The following APBB2 variants were observed in gnomAD, a reference collection of about 807,000 sequenced individuals.
APBB2 encodes amyloid beta precursor protein binding family B member 2, also known as Fe65-like 1.
A neutral mutation model predicts 82.5 loss-of-function variants in APBB2; 38 were observed. The ratio of observed to expected loss-of-function variants is 0.46; its 90% confidence interval spans 0.36 to 0.60. The LOEUF (loss-of-function observed/expected upper bound fraction) is 0.60. Among genes scored for constraint, APBB2 ranks in the 20% least tolerant of loss-of-function variants. The pLI is 0.00. For synonymous variants in APBB2, 341 were observed against 368.2 expected, an observed-to-expected ratio of 0.93 and a Z score of 0.85; for missense variants, 772 against 972.3, an observed-to-expected ratio of 0.79 and a Z score of 2.74.
At chr4:40,865,854 A>T (rs778465469) in intron 12 of APBB2, among the ~76,000 whole-genome samples, 12 of 152,378 alleles carry the variant, frequency 7.9e-5, no homozygotes, top group Non-Finnish European at 1.6e-4. Flanking sequence ...TTGTTTGGAA[A>T]ATGCCGATTA....
At chr4:41,165,871 CCTTT>C (rs1475611387) in intron 1 of APBB2, among the ~76,000 whole-genome samples, 6 of 148,586 alleles carry the variant, frequency 4.0e-5, no homozygotes, top group Admixed American at 6.6e-5. Context: ...TGTCAGGCCC[CCTTT>C]TTTTTTTTTT....
chr4:41,211,108 A>C (rs1026808261), intron 1 of APBB2, among the ~76,000 whole-genome samples: 1 of 152,062 alleles, frequency 6.6e-6, no homozygotes, highest in Non-Finnish European at 1.5e-5. Flanking sequence ...TACAAAAATT[A>C]GCCAGGCGTG....
chr4:40,958,174 T>C (rs947543285), intron 6 of APBB2, among the ~76,000 whole-genome samples: 1 of 152,210 alleles, frequency 6.6e-6, no homozygotes, highest in African/African-American at 2.4e-5. Flanking sequence ...ATTTTAGATG[T>C]AGTAAAATAT....
chr4:41,092,724 GT>G lies in APBB2; in HGVS notation c.-149+7914del, dbSNP rs567530121. Among the ~76,000 whole-genome samples, 279 of 151,368 alleles carry G rather than the reference GT, an allele frequency of 1.8e-3. 3 individuals are homozygous for G. Among genetic ancestry groups the G allele is most frequent in the Admixed American group, 0.017 (263 of 15,202 alleles). Reference sequence around the variant, plus strand: ...AAAAAAAGTACTTGGTCTGAATAGAGTTTTCATTCAACTGTGCTTGCTCTTA... The same window carrying G: ...AAAAAAAGTACTTGGTCTGAATAGAGTTTCATTCAACTGTGCTTGCTCTTA... On this transcript the variant is annotated intron_variant, in intron 3 of 17. Coordinates refer to ENST00000508593, the MANE Select transcript of APBB2 (RefSeq NM_004307.2).
chr4:41,036,442 T>C (rs776304468), intron 4 of APBB2, among the ~76,000 whole-genome samples: 11 of 152,144 alleles, frequency 7.2e-5, no homozygotes, highest in Non-Finnish European at 1.5e-4. Flanking sequence ...CCTGAGTTAT[T>C]ATCTGACCCA....
chr4:40,888,206 G>A (rs1424395574), intron 12 of APBB2, among the ~76,000 whole-genome samples: 2 of 152,224 alleles, frequency 1.3e-5, no homozygotes, highest in African/African-American at 2.4e-5. Flanking sequence ...GCACATATAC[G>A]TATGTGTTGT....
rs200541512 is a variant in APBB2 at position 41,013,829 on chromosome 4, C to G, written c.589G>C (p.Ala197Pro). Residue 197 changes from alanine to proline, a missense_variant, in exon 6 of 18, where the codon GCC (alanine) becomes CCC (proline). Transcript: ENST00000508593. ...EEKSQPVQGQASTIIGNGDLL... is the reference protein window; with the variant it reads ...EEKSQPVQGQPSTIIGNGDLL... ...TCGCCATTCCCAATGATGGTGGAGG[C>G]CTGGCCCTGGACTGGCTGGGATTTC... 2 of 1,614,164 alleles carry G rather than the reference C, an allele frequency of 1.2e-6. No homozygotes were observed. Among genetic ancestry groups the G allele is most frequent in the Admixed American group, 1.7e-5 (1 of 60,022 alleles).
intron 12 of APBB2, among the ~76,000 whole-genome samples, chr4:40,841,279 G>A (rs1457872825): frequency 6.6e-6 from 1 of 152,144 alleles, no homozygotes; most frequent in East Asian, 1.9e-4. Context: ...CCGACACAAA[G>A]AGGAGATCTG....
At chr4:40,840,480 C>T (rs1161223079) in intron 12 of APBB2, among the ~76,000 whole-genome samples, 1 of 152,204 alleles carries the variant, frequency 6.6e-6, no homozygotes, top group African/African-American at 2.4e-5. Context: ...AAAACACACA[C>T]ATGTAAGACT....
chr4:40,845,462 C>T (rs1757190572), intron 12 of APBB2, among the ~76,000 whole-genome samples: 1 of 152,006 alleles, frequency 6.6e-6, no homozygotes, highest in Non-Finnish European at 1.5e-5. Context: ...GATCAGCATG[C>T]TCTCCGTGGC....
At chr4:40,900,320 G>T (rs1774905216) in intron 10 of APBB2, among the ~76,000 whole-genome samples, 1 of 152,178 alleles carries the variant, frequency 6.6e-6, no homozygotes, top group African/African-American at 2.4e-5. Context: ...TTACCTGAGA[G>T]TATCTGAGAG....
chr4:40,969,165 C>T (rs1024608194), intron 6 of APBB2, among the ~76,000 whole-genome samples: 7 of 152,170 alleles, frequency 4.6e-5, no homozygotes, highest in Admixed American at 6.5e-5. Context: ...CAGACTAATA[C>T]ATCTCTGTAC....
At chr4:41,152,142 C>T (rs887070768) in intron 1 of APBB2, among the ~76,000 whole-genome samples, 5 of 151,942 alleles carry the variant, frequency 3.3e-5, no homozygotes, top group African/African-American at 1.2e-4. Flanking sequence ...TTCAACAGTT[C>T]TAATATTTCC....
chr4:41,047,343 G>C (rs1723815642), intron 4 of APBB2, among the ~76,000 whole-genome samples: 1 of 152,260 alleles, frequency 6.6e-6, no homozygotes, highest in African/African-American at 2.4e-5. Flanking sequence ...CTGAAACAGG[G>C]ACAGGAGGTA....
intron 6 of APBB2, among the ~76,000 whole-genome samples, chr4:40,954,547 C>G (rs1791074701): frequency 6.6e-6 from 1 of 152,190 alleles, no homozygotes; most frequent in Admixed American, 6.5e-5. Flanking sequence ...ACCTGGAGGG[C>G]TTGTGAGAAC....
At chr4:40,884,100 C>A (rs1769510081) in intron 12 of APBB2, among the ~76,000 whole-genome samples, 1 of 152,306 alleles carries the variant, frequency 6.6e-6, no homozygotes, top group Admixed American at 6.5e-5. Context: ...CCCCTGCCAA[C>A]CCCGGGACAT....
At chr4:40,948,761 A>T (rs956854817) in intron 6 of APBB2, among the ~76,000 whole-genome samples, 11 of 55,542 alleles carry the variant, frequency 2.0e-4, no homozygotes, top group African/African-American at 1.4e-3. Context: ...CTCCCATCTT[A>T]AAAAAAAAAA....
rs546539212 is a variant in APBB2, at chr4:40,818,993, G to A, written c.2113-2734C>T. ...GCCTCCTGAGTAGCTGGGACTACAGGTGCAAACTTTCCCTTCATTCATAAC... is the reference window on the plus strand; with the variant it reads ...GCCTCCTGAGTAGCTGGGACTACAGATGCAAACTTTCCCTTCATTCATAAC... On this transcript the variant is annotated intron_variant, in intron 17 of 17. Coordinates refer to ENST00000508593, the MANE Select transcript of APBB2 (RefSeq NM_004307.2). Among the ~76,000 whole-genome samples, 4 of 152,122 alleles carry A rather than the reference G, an allele frequency of 2.6e-5. No individual in the cohort carries two copies. The East Asian group carries it at 7.7e-4, about 29-fold the overall frequency.
chr4:41,075,064 G>A (rs1224685970), intron 3 of APBB2, among the ~76,000 whole-genome samples: 1 of 152,082 alleles, frequency 6.6e-6, no homozygotes, highest in Non-Finnish European at 1.5e-5. Context: ...GCCCAGGAGG[G>A]CGATGCTGCA....
Sources: allele counts gnomAD v4.1 joint callset (sites outside exome capture counted in the v4.1 genomes callset), GRCh38; gene constraint gnomAD v4.1.1; transcripts MANE v1.5; gene names NCBI Gene and HGNC (gene_info 2026-07-23, HGNC 2026-07-21).